IQGAP2: variants seen among roughly 807,000 people sequenced by gnomAD.
The protein encoded by IQGAP2 is IQ motif containing GTPase activating protein 2, also known as ras GTPase-activating-like protein IQGAP2.
In IQGAP2, 173 loss-of-function variants were observed where a neutral mutation model predicts 201.3. That is an observed-to-expected ratio of 0.86 (90% CI 0.76 to 0.98). The LOEUF is 0.98. IQGAP2 is among the 50% of genes least tolerant of loss of function. IQGAP2 has a pLI of 0.00. For synonymous variants in IQGAP2, 675 were observed against 673.9 expected (o/e 1.00, Z -0.03); for missense variants, 1,687 against 1,864.8 (o/e 0.90, Z 1.76).
chr5:76,634,379 C>T (rs1465927300), intron 15 of IQGAP2, among the ~76,000 whole-genome samples: 1 of 152,092 alleles, frequency 6.6e-6, no homozygotes. Flanking sequence ...CTGCCTCAGC[C>T]TCCCGAGTAG....
At chr5:76,639,897 A>G (rs1015795990) in intron 16 of IQGAP2, among the ~76,000 whole-genome samples, 2 of 152,224 alleles carry the variant, frequency 1.3e-5, no homozygotes, top group African/African-American at 4.8e-5. Flanking sequence ...AAAAAAATGA[A>G]ATTATAGACA....
chr5:76,682,093 G>A (rs563043798), intron 28 of IQGAP2, among the ~76,000 whole-genome samples: 13 of 152,272 alleles, frequency 8.5e-5, no homozygotes, highest in East Asian at 1.9e-4. Context: ...ATGGGTACCC[G>A]GTATCTTTTA....
intron 33 of IQGAP2, among the ~76,000 whole-genome samples, chr5:76,699,055 G>A (rs13154881): frequency 0.33 from 49,884 of 151,810 alleles, 8,327 homozygotes; most frequent in Non-Finnish European, 0.35. Flanking sequence ...TCACCACACT[G>A]TGCAATAGAT....
intron 2 of IQGAP2, among the ~76,000 whole-genome samples, chr5:76,481,929 T>G (rs1048702212): frequency 6.6e-6 from 1 of 152,200 alleles, no homozygotes; most frequent in African/African-American, 2.4e-5. Context: ...CAAGAAAGGT[T>G]ACAGGGTTGT....
chr5:76,641,004 T>C lies in IQGAP2; in HGVS notation c.1995T>C (p.Leu665=), dbSNP rs779939454. 1 of 1,610,804 alleles carries C rather than the reference T, an allele frequency of 6.2e-7. No homozygotes were observed. The highest frequency in any genetic ancestry group is 2.2e-5 in the East Asian group (1 of 44,738). ...NIWSASEELL[L]RFQATSSGPI... ...GGTCTGCTTCAGAAGAGTTGCTTCT[T>C]CGCTTTCAAGCCACAAGCTCAGGAC... is the stretch of plus-strand genomic sequence containing the variant. The change falls in exon 17 of 36, where the codon CTT becomes CTC. Residue 665 remains leucine (L), a synonymous_variant. Transcript: ENST00000274364.
chr5:76,437,082 T>G (rs79293540), intron 1 of IQGAP2, among the ~76,000 whole-genome samples: 14,415 of 151,902 alleles, frequency 0.095, 1,764 homozygotes, highest in African/African-American at 0.29. Flanking sequence ...GACAGAGCCT[T>G]GTTCTGCCAC....
intron 13 of IQGAP2, among the ~76,000 whole-genome samples, chr5:76,621,699 G>C (rs1282016343): frequency 1.3e-5 from 2 of 152,170 alleles, no homozygotes; most frequent in African/African-American, 4.8e-5. Flanking sequence ...TTTTCCGTGA[G>C]AATGCCAGAT....
rs769684544 is a variant in IQGAP2, at chr5:76,640,935, C to T, written c.1926C>T (p.Asp642=). 2 of 1,579,602 alleles carry T rather than the reference C, an allele frequency of 1.3e-6. No individual in the cohort carries two copies. The highest frequency in any genetic ancestry group is 1.1e-5 in the South Asian group (1 of 88,232). ...CCATAAGAAATATCTCTTGCCAGGA[C>T]ATTATTGAGGAAGTCACAGTAGGTT... ...ESWLTGKEIE[D]IIEEVTVGYI... is the part of the protein sequence containing the mutation. Residue 642 remains aspartate (D), a splice_region_variant and synonymous_variant, in exon 17 of 36, where the codon GAC becomes GAT. Coordinates refer to ENST00000274364, the MANE Select transcript of IQGAP2 (RefSeq NM_006633.5).
chr5:76,457,343 C>G (rs959014002), intron 1 of IQGAP2, among the ~76,000 whole-genome samples: 1 of 152,150 alleles, frequency 6.6e-6, no homozygotes, highest in Admixed American at 6.6e-5. Flanking sequence ...CTAAATAATA[C>G]CCTATTACAG....
chr5:76,633,839 A>G (rs1750898312), intron 15 of IQGAP2, among the ~76,000 whole-genome samples: 1 of 152,136 alleles, frequency 6.6e-6, no homozygotes, highest in African/African-American at 2.4e-5. Context: ...TTCAGAGTTC[A>G]TTCATGTAGC....
intron 2 of IQGAP2, among the ~76,000 whole-genome samples, chr5:76,531,880 G>C (rs752660842): frequency 6.6e-6 from 1 of 152,182 alleles, no homozygotes; most frequent in Non-Finnish European, 1.5e-5. Flanking sequence ...CAATTCAGGA[G>C]ACTGGGAAGT....
intron 1 of IQGAP2, among the ~76,000 whole-genome samples, chr5:76,416,043 C>T (rs1382984065): frequency 6.6e-6 from 1 of 152,030 alleles, no homozygotes; most frequent in Non-Finnish European, 1.5e-5. Context: ...AAGGTTGTGA[C>T]ACGAAAGTGG....
intron 2 of IQGAP2, among the ~76,000 whole-genome samples, chr5:76,548,460 T>A (rs1398068263): frequency 6.6e-6 from 1 of 152,270 alleles, no homozygotes; most frequent in Non-Finnish European, 1.5e-5. Flanking sequence ...CTAAGGCTTC[T>A]GCTTAAGAAG....
At chr5:76,690,018 T>G (rs1274655009) in intron 30 of IQGAP2, among the ~76,000 whole-genome samples, 1 of 152,214 alleles carries the variant, frequency 6.6e-6, no homozygotes, top group Non-Finnish European at 1.5e-5. Flanking sequence ...GTGTATTTCT[T>G]TCTCTTTTTT....
intron 30 of IQGAP2, among the ~76,000 whole-genome samples, chr5:76,692,725 C>T (rs1746376974): frequency 6.6e-6 from 1 of 152,206 alleles, no homozygotes; most frequent in Non-Finnish European, 1.5e-5. Flanking sequence ...GAAGACCTAA[C>T]AAATAGGTTT....
rs368076875 is a variant in IQGAP2 at position 76,623,936 on chromosome 5, C to CTTTTTTTTTTTTTTTTTTTTTTTTTTTTT, written c.1522-3458_1522-3457insTTTTTTTTTTTTTTTTTTTTTTTTTTTTT. 4.0e-5 allele frequency among the ~76,000 whole-genome samples: 4 copies of CTTTTTTTTTTTTTTTTTTTTTTTTTTTTT among 100,780 alleles called. 1 individual carries two copies. Among genetic ancestry groups the CTTTTTTTTTTTTTTTTTTTTTTTTTTTTT allele is most frequent in the Admixed American group, 2.2e-4 (2 of 9,144 alleles). The allele number at this position is 100,780 out of a possible 152,430, so 66.1% of individuals were successfully genotyped here. On this transcript the variant is annotated intron_variant, in intron 13 of 35. Coordinates refer to ENST00000274364, the MANE Select transcript of IQGAP2 (RefSeq NM_006633.5). Reference sequence around the variant, plus strand: ...CGGGTGAGGATGGCGTTTGTTCAGGCTTTTTTTTTTTTTTTTGCCTTATCT... The same window carrying CTTTTTTTTTTTTTTTTTTTTTTTTTTTTT: ...CGGGTGAGGATGGCGTTTGTTCAGGCTTTTTTTTTTTTTTTTTTTTTTTTTTTTTTTTTTTTTTTTTTTTTGCCTTATCT...
intron 2 of IQGAP2, among the ~76,000 whole-genome samples, chr5:76,489,070 G>A (rs1323493223): frequency 1.3e-5 from 2 of 152,182 alleles, no homozygotes; most frequent in Non-Finnish European, 2.9e-5. Context: ...TTCTTCCACT[G>A]TGTTCTAAAC....
intron 3 of IQGAP2, among the ~76,000 whole-genome samples, chr5:76,565,591 A>G (rs1375321146): frequency 1.3e-5 from 2 of 152,198 alleles, no homozygotes; most frequent in Admixed American, 1.3e-4. Flanking sequence ...TCTCTTGCAC[A>G]TGCCATAGTG....
chr5:76,432,351 C>T (rs1752423409), intron 1 of IQGAP2, among the ~76,000 whole-genome samples: 1 of 152,092 alleles, frequency 6.6e-6, no homozygotes, highest in Non-Finnish European at 1.5e-5. Flanking sequence ...TCTCGAACTC[C>T]TGACCTCAGG....
Sources: allele counts gnomAD v4.1 joint callset (sites outside exome capture counted in the v4.1 genomes callset), GRCh38; gene constraint gnomAD v4.1.1; transcripts MANE v1.5; gene names NCBI Gene and HGNC (gene_info 2026-07-23, HGNC 2026-07-21).